The following CHD9 variants were observed in gnomAD, a reference collection of about 807,000 sequenced individuals.
CHD9 encodes chromodomain helicase DNA binding protein 9.
A neutral mutation model predicts 316.1 loss-of-function variants in CHD9; 77 were observed. That is an observed-to-expected ratio of 0.24 (90% CI 0.20 to 0.29). The LOEUF (loss-of-function observed/expected upper bound fraction) is 0.29. CHD9 is among the 10% of genes least tolerant of loss of function. The pLI, the probability that CHD9 is intolerant of heterozygous loss-of-function variation, is 1.00. For missense variants in CHD9, 2,763 were observed against 3,438.1 expected, an observed-to-expected ratio of 0.80 and a Z score of 4.91; for synonymous variants, 1,129 against 1,158.3, an observed-to-expected ratio of 0.97 and a Z score of 0.51.
intron 36 of CHD9, among the ~76,000 whole-genome samples, chr16:53,316,168 C>T (rs1035932231): frequency 6.6e-6 from 1 of 152,150 alleles, no homozygotes; most frequent in African/African-American, 2.4e-5. Flanking sequence ...CCTGCCTCAG[C>T]CTCCCAAAGT....
At chr16:53,139,540 T>C (rs117820856) in intron 1 of CHD9, among the ~76,000 whole-genome samples, 101 of 152,220 alleles carry the variant, frequency 6.6e-4, no homozygotes, top group Non-Finnish European at 1.2e-3. Context: ...GAGAACAGTA[T>C]TGGAGATTAT....
Position 53,107,263 on chromosome 16 carries a change from C to A in CHD9, c.-164-48663C>A, listed in dbSNP as rs557929400. 1.2e-3 allele frequency among the ~76,000 whole-genome samples: 184 copies of A among 151,934 alleles called. 2 individuals carry two copies. In the Middle Eastern group the frequency reaches 0.024, roughly 20 times the overall value. ...TCGTCTGAGGTCAGGAGTTCAAGAC[C>A]AGCCTGACCAATATGGCGAAACCCC... is the stretch of plus-strand genomic sequence containing the variant. On this transcript the variant is annotated intron_variant, in intron 1 of 38. Coordinates refer to ENST00000447540, the MANE Select transcript of CHD9 (RefSeq NM_001308319.2).
At chr16:53,222,241 T>C (rs1282974522) in intron 3 of CHD9, among the ~76,000 whole-genome samples, 2 of 151,962 alleles carry the variant, frequency 1.3e-5, no homozygotes, top group African/African-American at 4.8e-5. Flanking sequence ...CACGCCTGAC[T>C]AATTTTTGTA....
At chr16:53,247,210 G>A (rs2152959280) in intron 15 of CHD9, 83 bp from the exon 16 acceptor site, 1 of 900,208 alleles carries the variant, frequency 1.1e-6, no homozygotes. Flanking sequence ...GCACACAGGA[G>A]CACTAATTGT....
At chr16:53,224,116 A>G (rs1359342395) in intron 4 of CHD9, among the ~76,000 whole-genome samples, 1 of 152,168 alleles carries the variant, frequency 6.6e-6, no homozygotes, top group Non-Finnish European at 1.5e-5. Flanking sequence ...CGTGCTTCTA[A>G]CCTCCTATGT....
intron 1 of CHD9, among the ~76,000 whole-genome samples, chr16:53,061,019 C>G (rs576884796): frequency 1.3e-5 from 2 of 151,586 alleles, no homozygotes; most frequent in East Asian, 3.9e-4. Flanking sequence ...TCCGCCCCCC[C>G]GGGTTCAAGC....
chr16:53,322,355 C>T (rs974683305), intron 38 of CHD9, among the ~76,000 whole-genome samples: 1 of 151,624 alleles, frequency 6.6e-6, no homozygotes, highest in Admixed American at 6.6e-5. Flanking sequence ...CCCCTGTAAT[C>T]CCAGCACCTT....
chr16:53,087,713 C>A (rs2035580476), intron 1 of CHD9, among the ~76,000 whole-genome samples: 1 of 152,066 alleles, frequency 6.6e-6, no homozygotes, highest in Non-Finnish European at 1.5e-5. Context: ...TTTGGAAGGC[C>A]AAAGCAGGAG....
At chr16:53,280,513 C>G (rs1452464322) in intron 24 of CHD9, among the ~76,000 whole-genome samples, 3 of 151,188 alleles carry the variant, frequency 2.0e-5, no homozygotes, top group Non-Finnish European at 4.4e-5. Flanking sequence ...ACTATGGGGA[C>G]TCAGGGGGGA....
In CHD9 at chr16:53,228,992, T is replaced by G. The variant is rs748976635; in HGVS notation, c.2178T>G (p.Leu726=). Residue 726 remains leucine (L), a synonymous_variant, in exon 8 of 39, where the codon CTT becomes CTG. Transcript: ENST00000447540. The part of the protein sequence containing the change: ...FFVKYKNYSY[L]HCEWATEEQL... Reference sequence around the variant, plus strand: ...TTTATAAAAATTTTAGCTCCTATCTTCACTGTGAGTGGGCCACAGAAGAGC... The same window carrying G: ...TTTATAAAAATTTTAGCTCCTATCTGCACTGTGAGTGGGCCACAGAAGAGC... The G allele has an allele frequency of 3.9e-6, 6 of 1,542,650 alleles. No individual in the cohort carries two copies. Among genetic ancestry groups the G allele is most frequent in the Middle Eastern group, 1.7e-4 (1 of 5,848 alleles).
intron 1 of CHD9, among the ~76,000 whole-genome samples, chr16:53,105,231 CA>C (rs1391698506): frequency 2.6e-5 from 4 of 151,994 alleles, no homozygotes; most frequent in African/African-American, 9.7e-5. Context: ...GTGTCTCCCC[CA>C]AACCCTGTCC....
chr16:53,113,014 CAAATTA>C (rs2037987954), intron 1 of CHD9, among the ~76,000 whole-genome samples: 1 of 151,608 alleles, frequency 6.6e-6, no homozygotes, highest in Non-Finnish European at 1.5e-5. Context: ...CAAAACAAAA[CAAATTA>C]AAATTAAAAA....
chr16:53,299,334 G>C (rs1184655012), intron 30 of CHD9: 1 of 155,804 alleles, frequency 6.4e-6, no homozygotes, highest in Non-Finnish European at 1.4e-5. Context: ...AAAGCCATCG[G>C]GTGCCATTGG....
intron 1 of CHD9, among the ~76,000 whole-genome samples, chr16:53,139,275 T>G (rs944488353): frequency 1.3e-5 from 2 of 152,040 alleles, no homozygotes; most frequent in African/African-American, 4.8e-5. Flanking sequence ...TACAGTGAGA[T>G]AGCCTAATAA....
intron 20 of CHD9, among the ~76,000 whole-genome samples, chr16:53,265,853 G>A (rs1215784166): frequency 6.6e-6 from 1 of 151,434 alleles, no homozygotes; most frequent in Non-Finnish European, 1.5e-5. Flanking sequence ...GCAGACATGT[G>A]TATGAAAGTT....
At chr16:53,280,236 G>A (rs1212728893) in intron 24 of CHD9, among the ~76,000 whole-genome samples, 2 of 152,158 alleles carry the variant, frequency 1.3e-5, no homozygotes, top group Non-Finnish European at 2.9e-5. Flanking sequence ...GTTTATAGCA[G>A]CACAGTTTGC....
intron 29 of CHD9, among the ~76,000 whole-genome samples, chr16:53,295,383 T>C (rs1464840641): frequency 2.0e-5 from 3 of 152,204 alleles, no homozygotes; most frequent in Non-Finnish European, 2.9e-5. Context: ...TGCCTCAGCC[T>C]CCCAAAGTGC....
At chr16:53,262,908 C>T in intron 19 of CHD9, 79 bp from the exon 20 acceptor site, 1 of 1,126,986 alleles carries the variant, frequency 8.9e-7, no homozygotes, top group South Asian at 1.3e-5. Context: ...CAAATTCTAT[C>T]CATAGTAAAT....
intron 1 of CHD9, among the ~76,000 whole-genome samples, chr16:53,098,750 A>G (rs2036588417): frequency 6.6e-6 from 1 of 152,158 alleles, no homozygotes; most frequent in Non-Finnish European, 1.5e-5. Context: ...TCCAGGCCCA[A>G]TGCACCCCAT....
Sources: allele counts gnomAD v4.1 joint callset (sites outside exome capture counted in the v4.1 genomes callset), GRCh38; gene constraint gnomAD v4.1.1; transcripts MANE v1.5; gene names NCBI Gene and HGNC (gene_info 2026-07-23, HGNC 2026-07-21).